The following ZNF514 variants were observed in gnomAD, a reference collection of about 807,000 sequenced individuals.
ZNF514 encodes zinc finger protein 514.
A neutral mutation model predicts 9.7 loss-of-function variants in ZNF514; 12 were observed. That is an observed-to-expected ratio of 1.24 (90% CI 0.79 to 2.01). The LOEUF (loss-of-function observed/expected upper bound fraction) is 2.01. Ranked by LOEUF, ZNF514 falls within the 30% of genes most tolerant of loss-of-function variation. The pLI, the probability that ZNF514 is intolerant of heterozygous loss-of-function variation, is 0.00. For synonymous variants in ZNF514, 158 were observed against 163.7 expected (o/e 0.97, Z 0.27); for missense variants, 467 against 465.5 (o/e 1.00, Z -0.03).
chr2:95,142,095 G>A (rs774336347), downstream of ZNF514, among the ~76,000 whole-genome samples: 5 of 151,916 alleles, frequency 3.3e-5, no homozygotes, highest in Non-Finnish European at 5.9e-5. Context: ...TTTCATTTTT[G>A]TTATAGTTGT....
chr2:95,129,280 T>C, the ZNF514 span, among the ~76,000 whole-genome samples: 3 of 152,360 alleles, frequency 2.0e-5, no homozygotes, highest in South Asian at 6.2e-4. Flanking sequence ...TGAAGAAACA[T>C]TTATTCAGGA....
rs1673815224 is a variant in ZNF514 at position 95,159,815 on chromosome 2, A to G, written c.-671T>C. ...GCCGCCGCCGGGGCCCTTCAGAGCC[A>G]GCGCCGGTGGCGGGGTGCTGGCGCG... On this transcript the variant is annotated 5_prime_UTR_variant, in exon 1 of 5. Coordinates refer to ENST00000295208, the MANE Select transcript of ZNF514 (RefSeq NM_032788.3). Among the ~76,000 whole-genome samples, 2 of 151,168 alleles carry G rather than the reference A, an allele frequency of 1.3e-5. No individual in the cohort carries two copies. The highest frequency in any genetic ancestry group is 1.5e-5 in the Non-Finnish European group (1 of 67,742).
At chr2:95,158,009 C>T (rs1380121014) in intron 1 of ZNF514, among the ~76,000 whole-genome samples, 3 of 152,218 alleles carry the variant, frequency 2.0e-5, no homozygotes, top group South Asian at 2.1e-4. Flanking sequence ...TTGCATCATA[C>T]TGTTCATAAA....
chr2:95,140,189 G>A (rs1388795048), downstream of ZNF514, among the ~76,000 whole-genome samples: 3 of 152,112 alleles, frequency 2.0e-5, no homozygotes, highest in South Asian at 2.1e-4. Context: ...TGTAAATGAC[G>A]AGTTGATGGG....
At position 95,149,860 on chromosome 2, in the gene ZNF514, A is replaced by G. The variant is rs377431765; in HGVS notation, c.625T>C (p.Cys209Arg). 4.1e-5 allele frequency: 66 copies of G among 1,614,018 alleles called. No homozygotes were observed. Among genetic ancestry groups the G allele is most frequent in the African/African-American group, 6.7e-5 (5 of 74,912 alleles). The part of the protein sequence containing the change: ...PEKKSCKCNE[C>R]GKSFHFQSEL... Reference sequence around the variant, plus strand: ...GACTGGAAGTGAAAGGACTTCCCACACTCATTACATTTACAAGATTTCTTT... The same window carrying G: ...GACTGGAAGTGAAAGGACTTCCCACGCTCATTACATTTACAAGATTTCTTT... The change falls in exon 5 of 5, where the codon TGT becomes CGT. Residue 209 changes from cysteine (C) to arginine (R), a missense_variant. By Grantham distance (180) the Cys-to-Arg change is radical. Transcript: ENST00000295208.
chr2:95,149,389 G>T lies in ZNF514; in HGVS notation c.1096C>A (p.His366Asn). 6.2e-7 allele frequency: 1 copy of T among 1,614,236 alleles called. No homozygotes were observed. The highest frequency in any genetic ancestry group is 8.5e-7 in the Non-Finnish European group (1 of 1,180,050). The change falls in exon 5 of 5, where the codon CAC (histidine) becomes AAC (asparagine). Residue 366 changes from histidine to asparagine, a missense_variant. Physicochemically the swap from His to Asn is moderately conservative, Grantham distance 68. Coordinates refer to ENST00000295208, the MANE Select transcript of ZNF514 (RefSeq NM_032788.3). The part of the protein sequence containing the change: ...SSSLTQHYRF[H>N]TGEKPYKCNE... ...CATTTGTAGGGTTTCTCTCCAGTGT[G>T]AAATCTGTAATGTTGAGTGAGAGAT...
In ZNF514 at chr2:95,149,857, C is replaced by A. The variant is rs775781216; in HGVS notation, c.628G>T (p.Gly210Trp). 1 of 1,614,224 alleles carries A rather than the reference C, an allele frequency of 6.2e-7. No individual in the cohort carries two copies. The highest frequency in any genetic ancestry group is 8.5e-7 in the Non-Finnish European group (1 of 1,180,034). ...EKKSCKCNEC[G>W]KSFHFQSELR... Reference sequence around the variant, plus strand: ...TCTGACTGGAAGTGAAAGGACTTCCCACACTCATTACATTTACAAGATTTC... The same window carrying A: ...TCTGACTGGAAGTGAAAGGACTTCCAACACTCATTACATTTACAAGATTTC... The change falls in exon 5 of 5, where the codon GGG becomes TGG. Residue 210 changes from glycine (G) to tryptophan (W), a missense_variant. By Grantham distance (184) the Gly-to-Trp change is radical. Coordinates refer to ENST00000295208, the MANE Select transcript of ZNF514 (RefSeq NM_032788.3).
rs1673434443 is a variant in ZNF514, at chr2:95,148,799, T to G, written c.*483A>C. ...CCCTGACTGAAGGCCTTCCTCTATTTCCTGCTTTCATAGGGCCTCTCTCTA... is the reference window on the plus strand; with the variant it reads ...CCCTGACTGAAGGCCTTCCTCTATTGCCTGCTTTCATAGGGCCTCTCTCTA... On this transcript the variant is annotated 3_prime_UTR_variant, in exon 5 of 5. Transcript: ENST00000295208. 6.5e-6 allele frequency: 1 copy of G among 153,760 alleles called. No individual in the cohort carries two copies. The highest frequency in any genetic ancestry group is 2.4e-5 in the African/African-American group (1 of 41,474). The allele number at this position is 153,760 out of a possible 1,614,324, so 9.5% of individuals were successfully genotyped here.
chr2:95,158,300 G>A (rs976269379), intron 1 of ZNF514, among the ~76,000 whole-genome samples: 17 of 152,288 alleles, frequency 1.1e-4, no homozygotes, highest in Admixed American at 9.8e-4. Context: ...AGAGGGGGTG[G>A]GAAGCCCACG....
chr2:95,139,874 C>T, the ZNF514 span, among the ~76,000 whole-genome samples: 2 of 151,892 alleles, frequency 1.3e-5, no homozygotes, highest in Non-Finnish European at 2.9e-5. Context: ...GTGATTTGTT[C>T]ATGGTGGTGG....
chr2:95,157,754 T>C (rs570313594), intron 1 of ZNF514, among the ~76,000 whole-genome samples: 2 of 152,194 alleles, frequency 1.3e-5, no homozygotes, highest in Non-Finnish European at 2.9e-5. Flanking sequence ...CCTAGGACTT[T>C]TGGAAATATA....
chr2:95,129,474 C>G, the ZNF514 span, among the ~76,000 whole-genome samples: 14 of 152,268 alleles, frequency 9.2e-5, 1 homozygote, highest in Admixed American at 8.5e-4. Context: ...CTGGGAAAGG[C>G]AGACCACAAG....
At position 95,152,824 on chromosome 2, in the gene ZNF514, T is replaced by C. The variant is rs865899749; in HGVS notation, c.122-55A>G. The C allele has an allele frequency of 4.8e-6, 7 of 1,456,008 alleles. No individual in the cohort carries two copies. The Middle Eastern group carries it at 5.2e-4, about 108-fold the overall frequency. The allele number at this position is 1,456,008 out of a possible 1,614,324, so 90.2% of individuals were successfully genotyped here. ...TTGTGTGTGCCAGTGGCCAAGTCTT[T>C]GGATATTCATCTTCAAGGTGGAGAA... On this transcript the variant is annotated intron_variant, in intron 3 of 4. Coordinates refer to ENST00000295208, the MANE Select transcript of ZNF514 (RefSeq NM_032788.3).
intron 2 of ZNF514, among the ~76,000 whole-genome samples, chr2:95,156,024 G>A (rs1174404411): frequency 2.6e-5 from 4 of 152,206 alleles, no homozygotes; most frequent in Admixed American, 6.5e-5. Flanking sequence ...TTCTAACTGC[G>A]AGCCATTGAG....
the ZNF514 span, among the ~76,000 whole-genome samples, chr2:95,138,189 T>C: frequency 1.3e-5 from 2 of 152,136 alleles, no homozygotes; most frequent in African/African-American, 2.4e-5. Context: ...CGGCCTAATA[T>C]AGAAAATTGG....
At chr2:95,157,706 T>C (rs1408066504) in intron 1 of ZNF514, among the ~76,000 whole-genome samples, 1 of 152,208 alleles carries the variant, frequency 6.6e-6, no homozygotes, top group Non-Finnish European at 1.5e-5. Flanking sequence ...GCCATACCAC[T>C]GAAGTTATTT....
the ZNF514 span, among the ~76,000 whole-genome samples, chr2:95,126,392 A>AAAAAAAAAAAAAG: frequency 6.2e-4 from 52 of 84,452 alleles, no homozygotes; most frequent in African/African-American, 1.6e-3. Flanking sequence ...AAAAAAAAAA[A>AAAAAAAAAAAAAG]AAAGAAAGAA....
chr2:95,155,203 ATCATCT>A (rs1204307305), intron 2 of ZNF514: 1 of 152,230 alleles, frequency 6.6e-6, no homozygotes, highest in African/African-American at 2.4e-5. Context: ...ATTCTCCAGT[ATCATCT>A]TCATATGACA....
At chr2:95,140,882 G>C (rs1255956771), downstream of ZNF514, among the ~76,000 whole-genome samples, 4 of 151,794 alleles carry the variant, frequency 2.6e-5, no homozygotes, top group African/African-American at 9.7e-5. Context: ...GGCTGAGGCA[G>C]CAGAATTGCT....
Sources: gnomAD v4.1 joint callset for allele counts (sites outside exome capture counted in the v4.1 genomes callset) on GRCh38, gnomAD v4.1.1 for gene constraint, MANE v1.5 for transcripts, NCBI Gene and HGNC (gene_info 2026-07-23, HGNC 2026-07-21) for gene names.